SIGLEC1: variants seen among roughly 807,000 people sequenced by gnomAD.
SIGLEC1 encodes sialic acid binding Ig like lectin 1.
Under a neutral mutation model 148.0 loss-of-function variants are expected in SIGLEC1, and 132 were observed. The ratio of observed to expected loss-of-function variants is 0.89; its 90% CI spans 0.77 to 1.03. SIGLEC1 has a LOEUF of 1.03. SIGLEC1 is among the 50% of genes least tolerant of loss of function. The pLI, the probability that SIGLEC1 is intolerant of heterozygous loss-of-function variation, is 0.00. For missense variants in SIGLEC1, 2,253 were observed against 2,271.4 expected, an observed-to-expected ratio of 0.99 and a Z score of 0.16; for synonymous variants, 945 against 969.0, an observed-to-expected ratio of 0.98 and a Z score of 0.46.
Position 3,688,397 on chromosome 20 carries a change from TG to T in SIGLEC1, c.*162del, listed in dbSNP as rs904348887. 1.0e-5 allele frequency: 7 copies of T among 690,520 alleles called. No individual in the cohort carries two copies. Among genetic ancestry groups the T allele is most frequent in the African/African-American group, 7.0e-5 (4 of 56,918 alleles). The allele number at this position is 690,520 out of a possible 1,614,324, so 42.8% of individuals were successfully genotyped here. A position where few individuals can be genotyped will look rare whatever the true frequency, so the allele number is the denominator to read the frequency against. On this transcript the variant is annotated 3_prime_UTR_variant, in exon 22 of 22. Coordinates refer to ENST00000344754, the MANE Select transcript of SIGLEC1 (RefSeq NM_023068.4). ...GGGCAGACCTCTCACCACCCATTTT[TG>T]GGGGGGCAAGAGGCTTGGGGCCAGG...
rs656635 is a variant in SIGLEC1 at position 3,687,435 on chromosome 20, G to T, written c.*1125C>A. The T allele has an allele frequency of 0.48, 72,363 of 152,084 alleles. 17,289 individuals carry two copies. Among genetic ancestry groups the T allele is most frequent in the South Asian group, 0.55 (2,667 of 4,820 alleles). 9.4% of individuals were successfully genotyped at this position (152,084 alleles called of 1,614,324 possible). ...TGTGTCTGCCCTCCACTCTTGTAAG[G>T]GCCAGTAAGGTAGTACCCAGTCCCT... On this transcript the variant is annotated 3_prime_UTR_variant, in exon 22 of 22. Coordinates refer to ENST00000344754, the MANE Select transcript of SIGLEC1 (RefSeq NM_023068.4).
Position 3,701,513 on chromosome 20 carries a change from C to A in SIGLEC1, c.1357G>T (p.Ala453Ser). The A allele has an allele frequency of 1.2e-6, 2 of 1,614,020 alleles. No homozygotes were observed. The highest frequency in any genetic ancestry group is 1.7e-6 in the Non-Finnish European group (2 of 1,180,006). ...LVLSHGGHIL[A>S]STSGDSDHSP... is the part of the protein sequence containing the mutation. ...TGATCACTGTCCCCGGAGGTGGAGG[C>A]CAGGATATGACCCCCATGTGACAGC... Residue 453 changes from alanine (A) to serine (S), a missense_variant, in exon 7 of 22, where the codon GCC (alanine) becomes TCC (serine). By Grantham distance (99) the Ala-to-Ser change is moderately conservative. Coordinates refer to ENST00000344754, the MANE Select transcript of SIGLEC1 (RefSeq NM_023068.4).
At chr20:3,703,674 T>G in intron 5 of SIGLEC1, 151 bp downstream of exon 5, 1 of 1,155,874 alleles carries the variant, frequency 8.7e-7, no homozygotes, top group Non-Finnish European at 1.2e-6. Context: ...ACCTGTCTCA[T>G]GGTAAGGCAG....
chr20:3,707,479 A>G (rs1188526973), intron 1 of SIGLEC1, among the ~76,000 whole-genome samples: 1 of 152,054 alleles, frequency 6.6e-6, no homozygotes, highest in Non-Finnish European at 1.5e-5. Flanking sequence ...GCAGATGAAC[A>G]GCTGTTTCTC....
chr20:3,694,960 A>G, intron 11 of SIGLEC1, 37 bp from the exon 12 acceptor site: 1 of 1,586,478 alleles, frequency 6.3e-7, no homozygotes, highest in Admixed American at 1.7e-5. Flanking sequence ...AGGGCTCTCC[A>G]CCACACCTCT....
chr20:3,694,190 C>T (rs2088796346), intron 13 of SIGLEC1, 31 bp downstream of exon 13: 1 of 1,562,440 alleles, frequency 6.4e-7, no homozygotes, highest in African/African-American at 1.4e-5. Flanking sequence ...CACACACACA[C>T]ACACACACAC....
intron 1 of SIGLEC1, among the ~76,000 whole-genome samples, chr20:3,708,636 A>G (rs1034466274): frequency 4.0e-5 from 6 of 151,844 alleles, no homozygotes; most frequent in Non-Finnish European, 8.8e-5. Flanking sequence ...GGTCCCAGCT[A>G]CTCTGGAGGC....
Position 3,693,031 on chromosome 20 carries a change from C to T in SIGLEC1, c.3609G>A (p.Leu1203=). Residue 1203 remains leucine, a synonymous_variant, in exon 15 of 22, where the codon CTG becomes CTA. Coordinates refer to ENST00000344754, the MANE Select transcript of SIGLEC1 (RefSeq NM_023068.4). ...CTVDSRPPAQ[L]ALSHAGRLLA... is the part of the protein sequence containing the mutation. The stretch of plus-strand genomic sequence containing the variant: ...AGAGGCGACCGGCGTGGCTGAGGGC[C>T]AGCTGGGCGGGCGGGCGGCTGTCCA... The T allele has an allele frequency of 6.2e-7, 1 of 1,611,226 alleles. No homozygotes were observed. The highest frequency in any genetic ancestry group is 8.5e-7 in the Non-Finnish European group (1 of 1,179,532).
At chr20:3,700,493 A>T (rs922059960) in intron 7 of SIGLEC1, among the ~76,000 whole-genome samples, 3 of 150,976 alleles carry the variant, frequency 2.0e-5, no homozygotes, top group Non-Finnish European at 4.4e-5. Flanking sequence ...CTGAGATGGG[A>T]GGATGGCTTG....
Position 3,710,394 on chromosome 20 carries a change from C to T in SIGLEC1, c.-110+2076G>A, listed in dbSNP as rs185545513. ...CGCTCCCCAGGGGACCCAGCCCTCTCGCAGGCTGCTGGAGTGGACTGATCT... is the reference window on the plus strand; with the variant it reads ...CGCTCCCCAGGGGACCCAGCCCTCTTGCAGGCTGCTGGAGTGGACTGATCT... On this transcript the variant is annotated intron_variant, in intron 1 of 21. Coordinates refer to ENST00000344754, the MANE Select transcript of SIGLEC1 (RefSeq NM_023068.4). The surrounding 1 kb of genome is among the most constrained non-coding windows in gnomAD (Gnocchi z 4.6). 2.0e-5 allele frequency among the ~76,000 whole-genome samples: 3 copies of T among 152,322 alleles called. No homozygotes were observed. Among genetic ancestry groups the T allele is most frequent in the Admixed American group, 6.5e-5 (1 of 15,306 alleles).
rs1282184541 is a variant in SIGLEC1 at position 3,703,994 on chromosome 20, G to T, written c.804C>A (p.Tyr268Ter). Reference sequence around the variant, plus strand: ...GCCACTTAATGGAACTGACTGCAGGGTAGCTGCTGTTCACCTGGCAGGTGA... The same window carrying T: ...GCCACTTAATGGAACTGACTGCAGGTTAGCTGCTGTTCACCTGGCAGGTGA... ...VTLTCQVNSS[Y>*]PAVSSIKWLK... The change falls in exon 5 of 22, where the codon TAC becomes TAA. Residue 268 changes from tyrosine to a stop codon, truncating the protein, a stop_gained. Coordinates refer to ENST00000344754, the MANE Select transcript of SIGLEC1 (RefSeq NM_023068.4). LOFTEE classifies it high-confidence loss of function. 6.2e-7 allele frequency: 1 copy of T among 1,612,840 alleles called. No homozygotes were observed. The highest frequency in any genetic ancestry group is 8.5e-7 in the Non-Finnish European group (1 of 1,179,334).
Position 3,697,891 on chromosome 20 carries a change from G to T in SIGLEC1, c.2029C>A (p.His677Asn). 6.2e-7 allele frequency: 1 copy of T among 1,613,150 alleles called. No homozygotes were observed. The highest frequency in any genetic ancestry group is 8.5e-7 in the Non-Finnish European group (1 of 1,179,988). Residue 677 changes from histidine (H) to asparagine (N), a missense_variant, in exon 9 of 22, where the codon CAC (histidine) becomes AAC (asparagine). Physicochemically the swap from His to Asn is moderately conservative, Grantham distance 68 (BLOSUM62 1). Coordinates refer to ENST00000344754, the MANE Select transcript of SIGLEC1 (RefSeq NM_023068.4). ...CCCTCCTCTTCCAGCAAAGGGTTGT[G>T]AATCTCCACACGCAGCAAGTTGGGG... is the stretch of plus-strand genomic sequence containing the variant. ...KAPNLLRVEIHNPLLEEEGLY... is the reference protein window; with the variant it reads ...KAPNLLRVEINNPLLEEEGLY...
Position 3,696,799 on chromosome 20 carries a change from G to C in SIGLEC1, c.2470C>G (p.Leu824Val), listed in dbSNP as rs950759188. Reference sequence around the variant, plus strand: ...CCATGGAACAAGGCCAGCAAGGCCAGGGGGCGGCTGTCCACAGTGCAGATG... The same window carrying C: ...CCATGGAACAAGGCCAGCAAGGCCACGGGGCGGCTGTCCACAGTGCAGATG... ...LFICTVDSRP[L>V]ALLALFHGEH... The change falls in exon 11 of 22, where the codon CTG becomes GTG. Residue 824 changes from leucine (L) to valine (V), a missense_variant. Coordinates refer to ENST00000344754, the MANE Select transcript of SIGLEC1 (RefSeq NM_023068.4). 6.2e-7 allele frequency: 1 copy of C among 1,611,500 alleles called. No homozygotes were observed. The highest frequency in any genetic ancestry group is 8.5e-7 in the Non-Finnish European group (1 of 1,178,972).
At position 3,692,700 on chromosome 20, in the gene SIGLEC1, G is replaced by A; in HGVS notation, c.3851C>T (p.Pro1284Leu). ...ATAGAGTGTGGGTGCGTGGGCAGCA[G>A]GGTCCGCACAGGTCACTGTGATGGG... The part of the protein sequence containing the change: ...GAPITVTCAD[P>L]AAHAPTLYTW... Residue 1284 changes from proline (P) to leucine (L), a missense_variant, in exon 16 of 22, where the codon CCT (proline) becomes CTT (leucine). Pro to Leu is a moderately conservative substitution (Grantham distance 98, BLOSUM62 -3). Coordinates refer to ENST00000344754, the MANE Select transcript of SIGLEC1 (RefSeq NM_023068.4). 3 of 1,612,980 alleles carry A rather than the reference G, an allele frequency of 1.9e-6. No homozygotes were observed. Among genetic ancestry groups the A allele is most frequent in the Non-Finnish European group, 2.5e-6 (3 of 1,180,014 alleles).
chr20:3,690,200 C>T lies in SIGLEC1; in HGVS notation c.4656G>A (p.Leu1552=), dbSNP rs1364868424. The change falls in exon 19 of 22, where the codon CTG becomes CTA. Residue 1552 remains leucine (L), a synonymous_variant. Coordinates refer to ENST00000344754, the MANE Select transcript of SIGLEC1 (RefSeq NM_023068.4). ...GCGGCTCGCTGTCCACTCGGCAATC[C>T]AGGATGCCCCGGAGGCCACCCTCAG... ...VEPEGGLRGI[L]DCRVDSEPLA... The T allele has an allele frequency of 1.9e-6, 3 of 1,560,596 alleles. No homozygotes were observed. In the East Asian group the frequency reaches 7.2e-5, roughly 38 times the overall value.
chr20:3,688,500 G>T lies in SIGLEC1; in HGVS notation c.*60C>A, dbSNP rs761335963. The T allele has an allele frequency of 7.3e-7, 1 of 1,366,014 alleles. No individual in the cohort carries two copies. Among genetic ancestry groups the T allele is most frequent in the South Asian group, 1.2e-5 (1 of 80,392 alleles). 84.6% of individuals were successfully genotyped at this position (1,366,014 alleles called of 1,614,324 possible). On this transcript the variant is annotated 3_prime_UTR_variant, in exon 22 of 22. Coordinates refer to ENST00000344754, the MANE Select transcript of SIGLEC1 (RefSeq NM_023068.4). ...CAACACTGCCTCATTCACATTCATA[G>T]GCTGGAGTCATCACAGATTCTGGCC...
At position 3,693,678 on chromosome 20, in the gene SIGLEC1, G is replaced by T; in HGVS notation, c.3277C>A (p.Pro1093Thr). ...TGCCCCTCCCGCACGGTAGCCCCGG[G>T]CCACACCTGCACATTCACAGCTGGG... is the stretch of plus-strand genomic sequence containing the variant. ...DAQAVNVQVW[P>T]GATVREGQLV... Residue 1093 changes from proline to threonine, a missense_variant, in exon 14 of 22, where the codon CCC becomes ACC. By Grantham distance (38) the Pro-to-Thr change is conservative. Transcript: ENST00000344754. 1 of 1,593,710 alleles carries T rather than the reference G, an allele frequency of 6.3e-7. No individual in the cohort carries two copies. The highest frequency in any genetic ancestry group is 1.2e-5 in the South Asian group (1 of 86,956).
At chr20:3,702,509 G>C (rs2087859762) in intron 6 of SIGLEC1, among the ~76,000 whole-genome samples, 1 of 151,660 alleles carries the variant, frequency 6.6e-6, no homozygotes, top group African/African-American at 2.4e-5. Flanking sequence ...AATCGCTTGA[G>C]CCCCAGAGGC....
At position 3,694,520 on chromosome 20, in the gene SIGLEC1, T is replaced by G; in HGVS notation, c.2957A>C (p.His986Pro). Residue 986 changes from histidine (H) to proline (P), a missense_variant, in exon 13 of 22, where the codon CAC (histidine) becomes CCC (proline). Transcript: ENST00000344754. ...ISLHVSYAPR[H>P]VTLTTLMDTG... ...GTCCATCAGGGTAGTGAGTGTGACGTGGCGTGGGGCATCTACACAGGGTGG... is the reference window on the plus strand; with the variant it reads ...GTCCATCAGGGTAGTGAGTGTGACGGGGCGTGGGGCATCTACACAGGGTGG... 1 of 1,560,086 alleles carries G rather than the reference T, an allele frequency of 6.4e-7. No individual in the cohort carries two copies. Among genetic ancestry groups the G allele is most frequent in the Non-Finnish European group, 8.7e-7 (1 of 1,150,110 alleles).
Sources: allele counts gnomAD v4.1 joint callset (sites outside exome capture counted in the v4.1 genomes callset), GRCh38; gene constraint gnomAD v4.1.1; non-coding constraint Gnocchi (gnomAD v3.1); transcripts MANE v1.5; gene names NCBI Gene and HGNC (gene_info 2026-07-23, HGNC 2026-07-21).